NELL2: variants seen among roughly 807,000 people sequenced by gnomAD.
NELL2 encodes neural EGFL like 2.
In NELL2, 41 loss-of-function variants were observed where a neutral mutation model predicts 109.6. That is an observed-to-expected ratio of 0.37 (90% CI 0.29 to 0.49). The LOEUF is 0.49. Among genes scored for constraint, NELL2 ranks in the 20% least tolerant of loss-of-function variants. NELL2 has a pLI of 0.98. For synonymous variants in NELL2, 355 were observed against 344.7 expected (o/e 1.03, Z -0.33); for missense variants, 900 against 1,008.3 (o/e 0.89, Z 1.45).
At chr12:44,852,199 T>A (rs1324605265) in intron 2 of NELL2, among the ~76,000 whole-genome samples, 2 of 152,202 alleles carry the variant, frequency 1.3e-5, no homozygotes, top group African/African-American at 4.8e-5. Flanking sequence ...ATTCCGTATC[T>A]CAATTTAATT....
At chr12:44,696,147 C>G (rs1183766898) in intron 12 of NELL2, among the ~76,000 whole-genome samples, 1 of 152,124 alleles carries the variant, frequency 6.6e-6, no homozygotes, top group Non-Finnish European at 1.5e-5. Flanking sequence ...ATTACAAAGA[C>G]AGGAATGAGG....
chr12:44,526,090 G>A (rs1941759558), intron 16 of NELL2, among the ~76,000 whole-genome samples: 2 of 152,064 alleles, frequency 1.3e-5, no homozygotes, highest in South Asian at 4.1e-4. Flanking sequence ...TAAAGGTCAT[G>A]TTAAGAAATT....
At chr12:44,903,911 T>C (rs1032716064) in intron 1 of NELL2, among the ~76,000 whole-genome samples, 1 of 151,792 alleles carries the variant, frequency 6.6e-6, no homozygotes, top group Non-Finnish European at 1.5e-5. Flanking sequence ...AGGGGAGGGA[T>C]AGCATTAGGA....
chr12:44,729,744 G>A (rs1939271337), intron 9 of NELL2, among the ~76,000 whole-genome samples: 1 of 151,194 alleles, frequency 6.6e-6, no homozygotes, highest in African/African-American at 2.4e-5. Context: ...GCATGCGCCT[G>A]TACTAGGATT....
chr12:44,742,303 C>T (rs1940027659), intron 9 of NELL2, among the ~76,000 whole-genome samples: 1 of 152,140 alleles, frequency 6.6e-6, no homozygotes, highest in Non-Finnish European at 1.5e-5. Context: ...ACCAAAAACC[C>T]ATCTGTACAT....
chr12:44,775,320 A>G (rs1941715010), intron 8 of NELL2, among the ~76,000 whole-genome samples: 1 of 146,796 alleles, frequency 6.8e-6, no homozygotes, highest in Non-Finnish European at 1.5e-5. Flanking sequence ...TCTGTTTTTG[A>G]ATAAACTGGA....
At chr12:44,580,690 GT>G (rs2136210180) in intron 15 of NELL2, among the ~76,000 whole-genome samples, 1 of 152,278 alleles carries the variant, frequency 6.6e-6, no homozygotes, top group South Asian at 2.1e-4. Flanking sequence ...TCTAGCCTGG[GT>G]GACAGAGAAA....
At chr12:44,539,568 TAAA>T (rs979724681) in intron 15 of NELL2, among the ~76,000 whole-genome samples, 2 of 152,188 alleles carry the variant, frequency 1.3e-5, no homozygotes, top group Non-Finnish European at 2.9e-5. Context: ...TATCTTTTTT[TAAA>T]TAAACTTTAT....
In NELL2 at chr12:44,891,360, C is replaced by A. The variant is rs142560451; in HGVS notation, c.39-15460G>T. On this transcript the variant is annotated intron_variant, in intron 1 of 20. Transcript: ENST00000333837. ...TTGCTAAAATTATCCACACTCCAAT[C>A]CCTAGCAGATTCACATGCAATATGC... Among the ~76,000 whole-genome samples the A allele has an allele frequency of 3.9e-5, 6 of 152,300 alleles. 1 individual carries two copies. The highest frequency in any genetic ancestry group is 1.4e-4 in the African/African-American group (6 of 41,568).
chr12:44,909,464 A>G (rs930500803), intron 1 of NELL2, among the ~76,000 whole-genome samples: 4 of 151,984 alleles, frequency 2.6e-5, no homozygotes, highest in African/African-American at 4.8e-5. Flanking sequence ...AATATATGAC[A>G]TGCTCATGGA....
intron 12 of NELL2, among the ~76,000 whole-genome samples, chr12:44,673,826 T>A (rs1948221535): frequency 6.6e-6 from 1 of 152,174 alleles, no homozygotes; most frequent in Non-Finnish European, 1.5e-5. Context: ...GAAAACAAAA[T>A]ATTACATGGT....
chr12:44,596,250 G>C (rs1475813205), intron 15 of NELL2, among the ~76,000 whole-genome samples: 5 of 152,130 alleles, frequency 3.3e-5, no homozygotes, highest in Non-Finnish European at 5.9e-5. Flanking sequence ...GGATAATTTG[G>C]CACCCATATT....
At chr12:44,561,409 T>C (rs1299878071) in intron 15 of NELL2, among the ~76,000 whole-genome samples, 1 of 152,196 alleles carries the variant, frequency 6.6e-6, no homozygotes, top group African/African-American at 2.4e-5. Flanking sequence ...GCAGATGACA[T>C]GATTTTATAT....
chr12:44,653,179 G>A (rs1947363378), intron 13 of NELL2, among the ~76,000 whole-genome samples: 1 of 152,150 alleles, frequency 6.6e-6, no homozygotes, highest in Non-Finnish European at 1.5e-5. Context: ...CAAGTATTAT[G>A]TACTGAGTGC....
intron 15 of NELL2, among the ~76,000 whole-genome samples, chr12:44,552,676 A>T (rs2083433851): frequency 6.6e-6 from 1 of 152,146 alleles, no homozygotes; most frequent in African/African-American, 2.4e-5. Flanking sequence ...ATACCAAACG[A>T]TTTTTAGTAT....
upstream of NELL2, among the ~76,000 whole-genome samples, chr12:44,880,157 A>AC (rs1945395895): frequency 6.7e-6 from 1 of 149,688 alleles, no homozygotes; most frequent in Non-Finnish European, 1.5e-5. Context: ...AGAGAGAGAG[A>AC]AAAACAGAGA....
chr12:44,679,311 A>G (rs1340944519), intron 12 of NELL2, among the ~76,000 whole-genome samples: 5 of 152,136 alleles, frequency 3.3e-5, no homozygotes, highest in Non-Finnish European at 7.4e-5. Context: ...CAGGAATAAG[A>G]GAACTGGTAG....
chr12:44,758,819 T>A (rs1446288488), intron 9 of NELL2, among the ~76,000 whole-genome samples: 7 of 152,200 alleles, frequency 4.6e-5, no homozygotes, highest in Non-Finnish European at 1.0e-4. Context: ...ATTCAAAGGG[T>A]TAACCACTTC....
At chr12:44,752,523 T>G (rs1028069474) in intron 9 of NELL2, among the ~76,000 whole-genome samples, 1 of 152,218 alleles carries the variant, frequency 6.6e-6, no homozygotes, top group African/African-American at 2.4e-5. Flanking sequence ...CAGATCTGAC[T>G]GCAGTTAATT....
Sources: allele counts gnomAD v4.1 joint callset (sites outside exome capture counted in the v4.1 genomes callset), GRCh38; gene constraint gnomAD v4.1.1; transcripts MANE v1.5; gene names NCBI Gene and HGNC (gene_info 2026-07-23, HGNC 2026-07-21).